ARL1: variants seen among roughly 807,000 people sequenced by gnomAD.
The protein encoded by ARL1 is ARF like GTPase 1.
Under a neutral mutation model 30.1 loss-of-function variants are expected in ARL1, and 17 were observed. The ratio of observed to expected loss-of-function variants is 0.56; its 90% CI spans 0.39 to 0.85. The LOEUF (loss-of-function observed/expected upper bound fraction) is 0.85. Ranked by LOEUF, ARL1 falls within the 40% of genes least tolerant of loss-of-function variation. ARL1 has a pLI of 0.00. For missense variants in ARL1, 102 were observed against 212.6 expected, an observed-to-expected ratio of 0.48 and a Z score of 3.24; for synonymous variants, 58 against 71.7, an observed-to-expected ratio of 0.81 and a Z score of 0.97.
At chr12:101,407,441 C>G in intron 1 of ARL1, 1 of 632,650 alleles carries the variant, frequency 1.6e-6, no homozygotes, top group Non-Finnish European at 2.6e-6. Flanking sequence ...CAAGGGGAAC[C>G]GAGAGAGGAC....
At chr12:101,397,860 T>C (rs934432904) in intron 4 of ARL1, among the ~76,000 whole-genome samples, 11 of 152,134 alleles carry the variant, frequency 7.2e-5, no homozygotes, top group African/African-American at 2.7e-4. Context: ...CCCCTACGAA[T>C]TGCCTTTTGC....
rs747472901 is a variant in ARL1, at chr12:101,396,335, G to A, written c.515+64C>T. 3.1e-6 allele frequency: 5 copies of A among 1,591,304 alleles called. No homozygotes were observed. The South Asian group carries it at 3.3e-5, about 11-fold the overall frequency. Reference sequence around the variant, plus strand: ...CCTCAACACGGGAGAAAAATTACACGTGGACGTGCATAGCTGCAAGCACAC... The same window carrying A: ...CCTCAACACGGGAGAAAAATTACACATGGACGTGCATAGCTGCAAGCACAC... On this transcript the variant is annotated intron_variant, in intron 5 of 5. Coordinates refer to ENST00000261636, the MANE Select transcript of ARL1 (RefSeq NM_001177.6).
At chr12:101,402,327 T>C (rs1331280011) in intron 3 of ARL1, among the ~76,000 whole-genome samples, 1 of 152,114 alleles carries the variant, frequency 6.6e-6, no homozygotes, top group African/African-American at 2.4e-5. Flanking sequence ...TAGCTGGAAT[T>C]ATAGGCACGC....
chr12:101,403,478 AG>A (rs1195166571), intron 2 of ARL1: 1 of 217,326 alleles, frequency 4.6e-6, no homozygotes, highest in African/African-American at 2.4e-5. Context: ...ACAGACCAAA[AG>A]AAAAAAAGCT....
chr12:101,404,257 AT>A (rs545975744), intron 2 of ARL1, among the ~76,000 whole-genome samples: 91 of 152,280 alleles, frequency 6.0e-4, no homozygotes, highest in Middle Eastern at 3.4e-3. Flanking sequence ...CATGCCTGTA[AT>A]CCCAACACTT....
chr12:101,405,256 T>A (rs972956696), intron 2 of ARL1, among the ~76,000 whole-genome samples: 1 of 152,180 alleles, frequency 6.6e-6, no homozygotes. Flanking sequence ...TATAATTACC[T>A]AAGATAAACT....
Position 101,395,563 on chromosome 12 carries a change from G to T in ARL1, c.*77C>A. ...AATCATATAGTTTTAACATCTAGTA[G>T]TGTGAAGTACACTTGACTGTTTCCA... On this transcript the variant is annotated 3_prime_UTR_variant, in exon 6 of 6. Coordinates refer to ENST00000261636, the MANE Select transcript of ARL1 (RefSeq NM_001177.6). The T allele has an allele frequency of 8.6e-7, 1 of 1,167,244 alleles. No individual in the cohort carries two copies. Among genetic ancestry groups the T allele is most frequent in the Non-Finnish European group, 1.3e-6 (1 of 799,810 alleles). 72.3% of individuals were successfully genotyped at this position (1,167,244 alleles called of 1,614,324 possible).
At chr12:101,402,098 C>T (rs907743622) in intron 3 of ARL1, among the ~76,000 whole-genome samples, 8 of 152,192 alleles carry the variant, frequency 5.3e-5, no homozygotes, top group South Asian at 2.1e-4. Context: ...CAACTACTGA[C>T]GGTCATCAAA....
rs779293997 is a variant in ARL1, at chr12:101,395,594, A to G, written c.*46T>C. The G allele has an allele frequency of 1.3e-6, 2 of 1,504,048 alleles. No homozygotes were observed. Among genetic ancestry groups the G allele is most frequent in the South Asian group, 1.2e-5 (1 of 83,600 alleles). 93.2% of individuals were successfully genotyped at this position (1,504,048 alleles called of 1,614,324 possible). A position where few individuals can be genotyped will look rare whatever the true frequency, so the allele number is the denominator to read the frequency against. ...AGTACACTTGACTGTTTCCAAAGGGAGAGAGGTGATGTAGTCTTCATTTCA... is the reference window on the plus strand; with the variant it reads ...AGTACACTTGACTGTTTCCAAAGGGGGAGAGGTGATGTAGTCTTCATTTCA... On this transcript the variant is annotated 3_prime_UTR_variant, in exon 6 of 6. Coordinates refer to ENST00000261636, the MANE Select transcript of ARL1 (RefSeq NM_001177.6).
chr12:101,403,624 C>G (rs1871363299), intron 2 of ARL1: 1 of 154,698 alleles, frequency 6.5e-6, no homozygotes. Flanking sequence ...GGTGTCCCAT[C>G]CCTTTTCTCT....
intron 2 of ARL1, chr12:101,403,468 A>C (rs1038049130): frequency 9.1e-6 from 2 of 218,804 alleles, no homozygotes; most frequent in Admixed American, 5.8e-5. Context: ...CAGCAAATAA[A>C]CAGACCAAAA....
At chr12:101,400,931 A>C (rs1871288983) in intron 4 of ARL1, 131 bp downstream of exon 4, 1 of 668,602 alleles carries the variant, frequency 1.5e-6, no homozygotes, top group South Asian at 2.1e-5. Context: ...TTGGAATAGA[A>C]AATCATTTCC....
chr12:101,403,299 AG>A (rs1352807521), intron 2 of ARL1: 3 of 408,468 alleles, frequency 7.3e-6, no homozygotes, highest in Admixed American at 3.4e-5. Flanking sequence ...AATTAAAAAA[AG>A]AATTTAAAAA....
At chr12:101,401,194 G>A (rs1255329689) in intron 3 of ARL1, 21 bp from the exon 4 acceptor site, 2 of 1,510,104 alleles carry the variant, frequency 1.3e-6, no homozygotes, top group Non-Finnish European at 1.8e-6. Context: ...TTTAAAAGGG[G>A]AGAACATATT....
chr12:101,401,264 G>T, intron 3 of ARL1, 91 bp from the exon 4 acceptor site: 2 of 780,146 alleles, frequency 2.6e-6, no homozygotes, highest in Non-Finnish European at 4.3e-6. Flanking sequence ...ACACATGTTA[G>T]AATCAATGCC....
At chr12:101,404,335 G>A (rs1871382509) in intron 2 of ARL1, among the ~76,000 whole-genome samples, 1 of 152,158 alleles carries the variant, frequency 6.6e-6, no homozygotes, top group Non-Finnish European at 1.5e-5. Context: ...GCTGCAGTGA[G>A]CTATGAATGT....
At chr12:101,402,788 C>T (rs180785516) in intron 3 of ARL1, 77 bp downstream of exon 3, 47 of 941,000 alleles carry the variant, frequency 5.0e-5, no homozygotes, top group African/African-American at 4.9e-5. Flanking sequence ...AACACATATT[C>T]GGGTTTACTG....
intron 4 of ARL1, among the ~76,000 whole-genome samples, chr12:101,398,796 A>G (rs1391724672): frequency 1.3e-5 from 2 of 152,144 alleles, no homozygotes; most frequent in African/African-American, 4.8e-5. Context: ...TACTTAACAT[A>G]ACATGATATT....
intron 4 of ARL1, chr12:101,400,299 C>G (rs546128454): frequency 6.7e-6 from 1 of 150,152 alleles, no homozygotes; most frequent in East Asian, 2.0e-4. Context: ...ACCTGTAATC[C>G]CAACACTAGG....
Sources: gnomAD v4.1 joint callset for allele counts (sites outside exome capture counted in the v4.1 genomes callset) on GRCh38, gnomAD v4.1.1 for gene constraint, MANE v1.5 for transcripts, NCBI Gene and HGNC (gene_info 2026-07-23, HGNC 2026-07-21) for gene names.